PRRT4: variants seen among roughly 807,000 people sequenced by gnomAD.
PRRT4 encodes the protein proline-rich transmembrane protein 4.
A neutral mutation model predicts 55.6 loss-of-function variants in PRRT4; 59 were observed. That is an observed-to-expected ratio of 1.06 (90% CI 0.86 to 1.32). The LOEUF is 1.32. PRRT4 is among the 40% of genes most tolerant of loss of function. PRRT4 has a pLI of 0.00. For missense variants in PRRT4, 1,217 were observed against 1,222.0 expected (o/e 1.00, Z 0.06); for synonymous variants, 606 against 601.8 (o/e 1.01, Z -0.10).
intron 4 of PRRT4, among the ~76,000 whole-genome samples, chr7:128,355,689 C>G (rs1797097819): frequency 6.6e-6 from 1 of 152,196 alleles, no homozygotes; most frequent in South Asian, 2.1e-4. Context: ...CTTGCCCAAC[C>G]CACTTCCTCT....
At chr7:128,350,963 G>A in exon 5 of PRRT4, 1 of 1,551,158 alleles carries the variant, frequency 6.4e-7, no homozygotes, top group Non-Finnish European at 8.7e-7. Context: ...TCAGAAGCAG[G>A]CTCTGGGGAG....
intron 1 of PRRT4, among the ~76,000 whole-genome samples, 197 bp downstream of exon 2, chr7:128,361,109 A>T (rs1053712781): frequency 9.5e-4 from 127 of 132,994 alleles, no homozygotes; most frequent in Non-Finnish European, 1.2e-3. Flanking sequence ...TCTCTCACAC[A>T]CACACACACA....
chr7:128,352,180 C>T lies in PRRT4; in HGVS notation c.1376G>A (p.Arg459His), dbSNP rs546142939. Residue 459 changes from arginine (R) to histidine (H), a missense_variant, in exon 5 of 5, where the codon CGC becomes CAC. Arg to His is a conservative substitution (Grantham distance 29). Around this residue, in one of 3 missense-constraint regions of PRRT4, gnomAD observed 11 missense variants for 28.2 expected, o/e 0.39. Transcript: ENST00000535159. ...CAGGCCGGTGGGGCACCGCGGCGGG[C>T]GCGGCCGGGCCAGCAGCAGGCAGGC... 6 of 1,413,640 alleles carry T rather than the reference C, an allele frequency of 4.2e-6. 1 individual carries two copies. Among genetic ancestry groups the T allele is most frequent in the East Asian group, 5.9e-5 (2 of 33,854 alleles). The allele number at this position is 1,413,640 out of a possible 1,614,324, so 87.6% of individuals were successfully genotyped here.
intron 4 of PRRT4, among the ~76,000 whole-genome samples, chr7:128,356,415 G>A (rs1797112517): frequency 6.6e-6 from 1 of 152,214 alleles, no homozygotes; most frequent in Non-Finnish European, 1.5e-5. Context: ...AGGTGTGAAT[G>A]GGGACAGGTG....
chr7:128,357,519 G>A (rs1215987786), intron 4 of PRRT4, among the ~76,000 whole-genome samples: 2 of 152,120 alleles, frequency 1.3e-5, no homozygotes, highest in Non-Finnish European at 2.9e-5. Flanking sequence ...CACAGAAACT[G>A]CCCCCTACCC....
At chr7:128,356,685 G>T (rs141176037) in intron 4 of PRRT4, among the ~76,000 whole-genome samples, 1 of 152,244 alleles carries the variant, frequency 6.6e-6, no homozygotes, top group African/African-American at 2.4e-5. Context: ...TGAGGCAGGC[G>T]CTGGCTGGGG....
At chr7:128,353,351 A>AC (rs1286435263) in intron 4 of PRRT4, among the ~76,000 whole-genome samples, 4 of 151,382 alleles carry the variant, frequency 2.6e-5, no homozygotes, top group African/African-American at 9.7e-5. Context: ...CTGACTCCCA[A>AC]CCCCCAACTT....
intron 4 of PRRT4, among the ~76,000 whole-genome samples, chr7:128,356,972 G>A (rs150742781): frequency 6.6e-6 from 1 of 152,312 alleles, no homozygotes; most frequent in East Asian, 1.9e-4. Context: ...TCAGGGAGTG[G>A]AGGGGAACCC....
chr7:128,351,114 C>T (rs1470057829), exon 5 of PRRT4: 1 of 1,548,232 alleles, frequency 6.5e-7, no homozygotes, highest in Non-Finnish European at 8.7e-7. Flanking sequence ...GCAGCATGGA[C>T]GAGCTGTCCC....
At chr7:128,351,627 G>A in exon 5 of PRRT4, 1 of 1,514,216 alleles carries the variant, frequency 6.6e-7, no homozygotes, top group Non-Finnish European at 8.8e-7. Flanking sequence ...GAGCCGCGTG[G>A]CCCGGGGACA....
chr7:128,352,434 G>A, exon 5 of PRRT4: 1 of 1,537,610 alleles, frequency 6.5e-7, no homozygotes, highest in Non-Finnish European at 8.7e-7. Flanking sequence ...CAACCAGGCC[G>A]AAGAGCGCGC....
chr7:128,360,787 G>A (rs1161146359), intron 1 of PRRT4, among the ~76,000 whole-genome samples: 1 of 152,110 alleles, frequency 6.6e-6, no homozygotes, highest in African/African-American at 2.4e-5. Flanking sequence ...CAGGCAAGCT[G>A]GGCGAACTGC....
At position 128,356,600 on chromosome 7, in the gene PRRT4, G is replaced by A. The variant is rs553819933; in HGVS notation, c.877+2081C>T. ...CCTGAGCAAGCCTCCTTTACTGGGA[G>A]GTCCCTTTCTGGCCCTGTGGGCCCT... On this transcript the variant is annotated intron_variant, in intron 4 of 4. Transcript: ENST00000535159. Among the ~76,000 whole-genome samples, 10 of 152,366 alleles carry A rather than the reference G, an allele frequency of 6.6e-5. No individual in the cohort carries two copies. In the East Asian group the frequency reaches 1.9e-3, roughly 29 times the overall value.
chr7:128,350,902 C>A (rs1410942058), exon 5 of PRRT4: 1 of 1,550,858 alleles, frequency 6.4e-7, no homozygotes, highest in Admixed American at 2.0e-5. Flanking sequence ...GTCGATCTGT[C>A]GGCAGGCGTC....
At chr7:128,350,727 C>T (rs563364488), downstream of PRRT4, 3 of 1,435,360 alleles carry the variant, frequency 2.1e-6, no homozygotes, top group East Asian at 7.5e-5. Flanking sequence ...CCAGGGACCC[C>T]TGGATGGGGA....
At chr7:128,357,410 G>T (rs541826479) in intron 4 of PRRT4, among the ~76,000 whole-genome samples, 1 of 152,114 alleles carries the variant, frequency 6.6e-6, no homozygotes, top group African/African-American at 2.4e-5. Flanking sequence ...CAGCCTGCCC[G>T]GCTGCACTGC....
exon 5 of PRRT4, chr7:128,352,140 G>T: frequency 7.6e-7 from 1 of 1,321,702 alleles, no homozygotes; most frequent in Non-Finnish European, 9.6e-7. Flanking sequence ...CCAGCCCCAG[G>T]AGCAGCAGCG....
chr7:128,359,030 T>C (rs1797175320), intron 3 of PRRT4, 119 bp downstream of exon 4: 9 of 1,253,342 alleles, frequency 7.2e-6, no homozygotes, highest in Non-Finnish European at 7.9e-6. Context: ...GCCCATATCC[T>C]AGGGCCTGGA....
chr7:128,353,717 GCCCTT>G (rs1196260772), intron 4 of PRRT4, among the ~76,000 whole-genome samples: 1 of 152,186 alleles, frequency 6.6e-6, no homozygotes, highest in Non-Finnish European at 1.5e-5. Flanking sequence ...CTCAAAAGGT[GCCCTT>G]AGGAACTCCC....
Sources: allele counts gnomAD v4.1 joint callset (sites outside exome capture counted in the v4.1 genomes callset), GRCh38; gene constraint gnomAD v4.1.1; regional missense constraint gnomAD v4.1.1; transcripts MANE v1.5; gene names NCBI Gene and HGNC (gene_info 2026-07-23, HGNC 2026-07-21).